Variants in SPOCK3 observed in about 807,000 individuals in gnomAD.
SPOCK3 encodes the protein SPARC (osteonectin), cwcv and kazal like domains proteoglycan 3.
Under a neutral mutation model 56.6 loss-of-function variants are expected in SPOCK3, and 30 were observed. That is an observed-to-expected ratio of 0.53 (90% CI 0.40 to 0.72). The LOEUF (loss-of-function observed/expected upper bound fraction) is 0.72. Among genes scored for constraint, SPOCK3 ranks in the 30% least tolerant of loss-of-function variants. The pLI is 0.00. For missense variants in SPOCK3, 527 were observed against 530.0 expected (o/e 0.99, Z 0.06); for synonymous variants, 196 against 183.3 (o/e 1.07, Z -0.56).
At chr4:167,205,535 TAATA>T (rs1415668747) in intron 2 of SPOCK3, among the ~76,000 whole-genome samples, 1 of 57,378 alleles carries the variant, frequency 1.7e-5, no homozygotes, top group Non-Finnish European at 2.9e-5. Flanking sequence ...TATTATTATA[TAATA>T]TATATTATAT....
chr4:167,112,456 T>C (rs1246508823), intron 2 of SPOCK3, among the ~76,000 whole-genome samples: 1 of 152,074 alleles, frequency 6.6e-6, no homozygotes, highest in East Asian at 1.9e-4. Flanking sequence ...TTCATTCCCA[T>C]ATGAAAGAAA....
At chr4:167,119,118 T>C (rs551292787) in intron 2 of SPOCK3, among the ~76,000 whole-genome samples, 104 of 124,620 alleles carry the variant, frequency 8.3e-4, no homozygotes, top group Non-Finnish European at 1.4e-3. Context: ...AATTTTAAGT[T>C]CTGAACTAGA....
chr4:166,857,537 G>T (rs1323769701), intron 6 of SPOCK3, among the ~76,000 whole-genome samples: 2 of 152,124 alleles, frequency 1.3e-5, no homozygotes, highest in Non-Finnish European at 2.9e-5. Context: ...ACCCAAACTT[G>T]TTCAACAAAT....
chr4:166,975,628 A>G (rs1390191245), intron 4 of SPOCK3, among the ~76,000 whole-genome samples: 3 of 152,092 alleles, frequency 2.0e-5, no homozygotes, highest in Non-Finnish European at 4.4e-5. Context: ...TTTTGTACCC[A>G]TTAACCATTC....
chr4:167,116,773 GTATA>G (rs1166338329), intron 2 of SPOCK3, among the ~76,000 whole-genome samples: 1 of 130,704 alleles, frequency 7.7e-6, no homozygotes, highest in Non-Finnish European at 1.6e-5. Flanking sequence ...CACACATATA[GTATA>G]TATACATATG....
At chr4:166,831,031 TCAATTTTTCAACTTCTACCAAAA>T (rs1560904541) in intron 6 of SPOCK3, among the ~76,000 whole-genome samples, 5 of 152,270 alleles carry the variant, frequency 3.3e-5, no homozygotes, top group African/African-American at 1.2e-4. Context: ...TATTTTAGAA[TCAATTTTTCAACTTCTACCAAAA>T]ACATACAAAC....
At chr4:166,750,554 T>C (rs201050703) in intron 8 of SPOCK3, among the ~76,000 whole-genome samples, 1 of 101,802 alleles carries the variant, frequency 9.8e-6, no homozygotes, top group East Asian at 2.4e-4. Context: ...TAGGGAAGAA[T>C]GAAAAAAAAA....
At chr4:166,991,700 C>T (rs1021916841) in intron 4 of SPOCK3, among the ~76,000 whole-genome samples, 8 of 151,968 alleles carry the variant, frequency 5.3e-5, no homozygotes, top group East Asian at 1.9e-4. Flanking sequence ...AAATAAACTA[C>T]GACAGTTGAA....
At chr4:166,743,112 A>C (rs903650271) in intron 8 of SPOCK3, among the ~76,000 whole-genome samples, 4 of 152,092 alleles carry the variant, frequency 2.6e-5, no homozygotes, top group African/African-American at 9.7e-5. Flanking sequence ...ATATACACAT[A>C]TAATATGTAA....
chr4:166,864,089 C>A (rs1054228784), intron 6 of SPOCK3, among the ~76,000 whole-genome samples: 23 of 152,118 alleles, frequency 1.5e-4, no homozygotes, highest in Admixed American at 1.4e-3. Flanking sequence ...GTCTCTCAGA[C>A]CACAGTGCAA....
intron 2 of SPOCK3, among the ~76,000 whole-genome samples, chr4:167,148,920 A>G (rs1193916064): frequency 6.6e-6 from 1 of 152,090 alleles, no homozygotes; most frequent in African/African-American, 2.4e-5. Flanking sequence ...AACAACATCT[A>G]AATAAAATTA....
At chr4:166,854,919 A>G (rs1164125646) in intron 6 of SPOCK3, among the ~76,000 whole-genome samples, 3 of 152,156 alleles carry the variant, frequency 2.0e-5, no homozygotes, top group African/African-American at 7.2e-5. Context: ...TCAGAAACCA[A>G]TACTCCAAAC....
intron 4 of SPOCK3, among the ~76,000 whole-genome samples, chr4:166,961,590 C>T (rs571213252): frequency 6.6e-6 from 1 of 151,422 alleles, no homozygotes; most frequent in African/African-American, 2.4e-5. Flanking sequence ...AGATATGATT[C>T]AAGCTTCTGG....
intron 4 of SPOCK3, among the ~76,000 whole-genome samples, chr4:166,938,283 C>A (rs113156381): frequency 6.6e-6 from 1 of 151,976 alleles, no homozygotes; most frequent in Non-Finnish European, 1.5e-5. Flanking sequence ...GTGTAAAAAC[C>A]GCTTGGGAAG....
chr4:166,741,490 A>C (rs1734840241), intron 9 of SPOCK3, among the ~76,000 whole-genome samples: 1 of 152,190 alleles, frequency 6.6e-6, no homozygotes. Context: ...CAAATATTTC[A>C]AGGCTTTGAA....
chr4:166,862,182 A>T (rs1731304432), intron 6 of SPOCK3, among the ~76,000 whole-genome samples: 1 of 152,118 alleles, frequency 6.6e-6, no homozygotes, highest in South Asian at 2.1e-4. Context: ...ACAGAAATAG[A>T]AGCCTAGAAA....
At chr4:167,207,726 G>A (rs1344135246) in intron 2 of SPOCK3, among the ~76,000 whole-genome samples, 1 of 152,030 alleles carries the variant, frequency 6.6e-6, no homozygotes, top group Non-Finnish European at 1.5e-5. Flanking sequence ...ATAAGTTTTG[G>A]ATCACTCATT....
chr4:167,125,397 A>G (rs1762186940), intron 2 of SPOCK3, among the ~76,000 whole-genome samples: 1 of 149,658 alleles, frequency 6.7e-6, no homozygotes, highest in African/African-American at 2.4e-5. Flanking sequence ...CAAAAGACAA[A>G]AATAAAACGG....
At chr4:166,981,739 C>T (rs1746596900) in intron 4 of SPOCK3, among the ~76,000 whole-genome samples, 1 of 152,202 alleles carries the variant, frequency 6.6e-6, no homozygotes, top group African/African-American at 2.4e-5. Context: ...TGTCTGACTC[C>T]TGCCATCCAT....
Sources: allele counts gnomAD v4.1 joint callset (sites outside exome capture counted in the v4.1 genomes callset), GRCh38; gene constraint gnomAD v4.1.1; transcripts MANE v1.5; gene names NCBI Gene and HGNC (gene_info 2026-07-23, HGNC 2026-07-21).